The following TRAK2 variants were observed in gnomAD, a reference collection of about 807,000 sequenced individuals.
TRAK2 encodes trafficking kinesin-binding protein 2.
Under a neutral mutation model 104.6 loss-of-function variants are expected in TRAK2, and 81 were observed. The observed-to-expected ratio is 0.77, with a 90% CI of 0.65 to 0.93. The LOEUF is 0.93. Ranked by LOEUF, TRAK2 falls within the 40% of genes least tolerant of loss-of-function variation. The pLI is 0.00. For missense variants in TRAK2, 1,002 were observed against 1,089.0 expected (o/e 0.92, Z 1.12); for synonymous variants, 406 against 394.4 (o/e 1.03, Z -0.35).
chr2:201,384,852 G>A (rs1326355680), intron 14 of TRAK2, among the ~76,000 whole-genome samples: 1 of 152,142 alleles, frequency 6.6e-6, no homozygotes, highest in Non-Finnish European at 1.5e-5. Context: ...TCTGTGTGAT[G>A]AAAAATGGGA....
At chr2:201,396,142 C>T (rs1187307443) in intron 7 of TRAK2, among the ~76,000 whole-genome samples, 1 of 152,114 alleles carries the variant, frequency 6.6e-6, no homozygotes, top group African/African-American at 2.4e-5. Flanking sequence ...AGCTACTTCT[C>T]AGTGTCATGT....
At position 201,387,953 on chromosome 2, in the gene TRAK2, C is replaced by T. The variant is rs781317257; in HGVS notation, c.1446G>A (p.Leu482=). ...GQPGPSGDSD[L]ATALHRLSLR... ...AGCTAAGGCGATGCAGTGCTGTAGC[C>T]AAATCACTATCTCCTGAGGGTCCTG... The change falls in exon 13 of 16, where the codon TTG becomes TTA. Residue 482 remains leucine, a synonymous_variant. Coordinates refer to ENST00000332624, the MANE Select transcript of TRAK2 (RefSeq NM_015049.3). The T allele has an allele frequency of 6.2e-7, 1 of 1,614,058 alleles. No homozygotes were observed. The highest frequency in any genetic ancestry group is 8.5e-7 in the Non-Finnish European group (1 of 1,179,990).
At chr2:201,412,386 A>AT (rs1951655293) in intron 2 of TRAK2, 1 of 1,331,396 alleles carries the variant, frequency 7.5e-7, no homozygotes, top group African/African-American at 1.4e-5. Flanking sequence ...TTGGAGTTAC[A>AT]TTTAACAGTA....
chr2:201,449,716 G>T (rs1169587078), intron 1 of TRAK2, among the ~76,000 whole-genome samples: 1 of 150,444 alleles, frequency 6.6e-6, no homozygotes, highest in Non-Finnish European at 1.5e-5. Context: ...GTGCAATCTT[G>T]GCTCACTGCA....
At chr2:201,420,024 G>C (rs772655052) in intron 2 of TRAK2, among the ~76,000 whole-genome samples, 7 of 152,300 alleles carry the variant, frequency 4.6e-5, no homozygotes, top group Admixed American at 4.6e-4. Flanking sequence ...TACAGATAAG[G>C]TGTTATGGGC....
intron 1 of TRAK2, among the ~76,000 whole-genome samples, chr2:201,439,714 G>T (rs1951904534): frequency 2.0e-5 from 3 of 151,426 alleles, no homozygotes; most frequent in Non-Finnish European, 4.4e-5. Flanking sequence ...ACTGGATTAA[G>T]AAAATGTGGC....
At chr2:201,449,905 C>G (rs912803308) in intron 1 of TRAK2, among the ~76,000 whole-genome samples, 8 of 151,996 alleles carry the variant, frequency 5.3e-5, no homozygotes, top group African/African-American at 1.4e-4. Context: ...GTTGGTCAGG[C>G]TGTTCTTGAA....
intron 2 of TRAK2, among the ~76,000 whole-genome samples, chr2:201,417,365 T>A (rs1367512485): frequency 2.0e-5 from 3 of 150,568 alleles, no homozygotes; most frequent in African/African-American, 7.3e-5. Flanking sequence ...AAAACACTAG[T>A]AAATATAACC....
At chr2:201,386,636 A>C (rs1951393635) in intron 13 of TRAK2, 152 bp from the exon 14 acceptor site, 1 of 1,000,408 alleles carries the variant, frequency 1.0e-6, no homozygotes, top group Non-Finnish European at 1.4e-6. Flanking sequence ...TGCAAATTAA[A>C]GTTTTCAGTG....
In TRAK2 at chr2:201,398,117, A is replaced by G. The variant is rs181324037; in HGVS notation, c.690+28T>C. 172 of 1,606,518 alleles carry G rather than the reference A, an allele frequency of 1.1e-4. 1 individual carries two copies. In the East Asian group the frequency reaches 3.4e-3, roughly 32 times the overall value. ...CTGAACTTTATAGCCTTTAAAGTAA[A>G]GGAAAATGGCAATTAGGTTGAACGT... is the stretch of plus-strand genomic sequence containing the variant. On this transcript the variant is annotated intron_variant, in intron 6 of 15. Transcript: ENST00000332624.
At chr2:201,404,449 A>C (rs192773171) in intron 3 of TRAK2, among the ~76,000 whole-genome samples, 88 of 152,344 alleles carry the variant, frequency 5.8e-4, no homozygotes, top group Non-Finnish European at 4.0e-4. Context: ...TTAATGTTCA[A>C]CATTTTTGGT....
intron 1 of TRAK2, among the ~76,000 whole-genome samples, chr2:201,436,246 G>A (rs13388835): frequency 0.012 from 1,875 of 152,110 alleles, 56 homozygotes; most frequent in African/African-American, 0.043. Context: ...CCAAAAATGG[G>A]GGAATACATC....
intron 1 of TRAK2, among the ~76,000 whole-genome samples, chr2:201,448,799 G>A (rs564378514): frequency 1.2e-3 from 187 of 152,266 alleles, no homozygotes; most frequent in Non-Finnish European, 1.7e-3. Flanking sequence ...GAGTGCAGTG[G>A]TGCCATCATC....
At chr2:201,451,135 G>A (rs1023784672) in intron 1 of TRAK2, among the ~76,000 whole-genome samples, 2 of 152,184 alleles carry the variant, frequency 1.3e-5, no homozygotes, top group African/African-American at 4.8e-5. Context: ...GAATACCGAC[G>A]CCAGCGCCTA....
chr2:201,413,424 C>A, intron 2 of TRAK2: 1 of 419,010 alleles, frequency 2.4e-6, no homozygotes, highest in Non-Finnish European at 4.2e-6. Flanking sequence ...TGCCTTCACA[C>A]GTGGCAGCTG....
chr2:201,451,183 C>T (rs1034559375), intron 1 of TRAK2, among the ~76,000 whole-genome samples, 167 bp downstream of exon 1: 1 of 152,234 alleles, frequency 6.6e-6, no homozygotes, highest in Non-Finnish European at 1.5e-5. Context: ...GGAAACAACC[C>T]ACGCCTCACC....
rs144854481 is a variant in TRAK2, at chr2:201,397,639, C to T, written c.691-59G>A. 180 of 1,232,674 alleles carry T rather than the reference C, an allele frequency of 1.5e-4. No individual in the cohort carries two copies. In the African/African-American group the frequency reaches 2.1e-3, roughly 14 times the overall value. The allele number at this position is 1,232,674 out of a possible 1,614,324, so 76.4% of individuals were successfully genotyped here. Reference sequence around the variant, plus strand: ...TCTAGTGATTTTATAGAAATAACTACAAAAACCTTTAATTCTCATTTGAAG... The same window carrying T: ...TCTAGTGATTTTATAGAAATAACTATAAAAACCTTTAATTCTCATTTGAAG... On this transcript the variant is annotated intron_variant, in intron 6 of 15. Transcript: ENST00000332624.
At position 201,387,687 on chromosome 2, in the gene TRAK2, C is replaced by T; in HGVS notation, c.1696+16G>A. ...TAAGTCACATGGCTTAGTAAGGGCC[C>T]TTACTGATTTATTACCTTCAAGGGG... On this transcript the variant is annotated intron_variant, in intron 13 of 15. Transcript: ENST00000332624. The T allele has an allele frequency of 6.4e-7, 1 of 1,569,528 alleles. No individual in the cohort carries two copies. The highest frequency in any genetic ancestry group is 8.6e-7 in the Non-Finnish European group (1 of 1,156,778).
intron 2 of TRAK2, among the ~76,000 whole-genome samples, chr2:201,409,967 T>G (rs1200481224): frequency 6.6e-6 from 1 of 152,224 alleles, no homozygotes; most frequent in Non-Finnish European, 1.5e-5. Flanking sequence ...CAGTTGTCCT[T>G]TTTCTCTTTG....
Sources: allele counts gnomAD v4.1 joint callset (sites outside exome capture counted in the v4.1 genomes callset), GRCh38; gene constraint gnomAD v4.1.1; transcripts MANE v1.5; gene names NCBI Gene and HGNC (gene_info 2026-07-23, HGNC 2026-07-21).